The following SRGAP3 variants were observed in gnomAD, a reference collection of about 807,000 sequenced individuals.
SRGAP3 encodes the protein SLIT-ROBO Rho GTPase-activating protein 3.
In SRGAP3, 39 loss-of-function variants were observed where a neutral mutation model predicts 121.1. The observed-to-expected ratio is 0.32, with a 90% CI of 0.25 to 0.42. SRGAP3 has a LOEUF of 0.42. Among genes scored for constraint, SRGAP3 ranks in the 10% least tolerant of loss-of-function variants. The probability of loss-of-function intolerance (pLI) is 1.00; values close to 1 mark genes in which losing one functional copy is unlikely to be tolerated. For missense variants in SRGAP3, 1,213 were observed against 1,470.6 expected (o/e 0.82, Z 2.86); for synonymous variants, 601 against 570.0 (o/e 1.05, Z -0.77).
chr3:9,348,806 C>T (rs1225010556), intron 1 of SRGAP3: 6 of 1,372,250 alleles, frequency 4.4e-6, no homozygotes, highest in South Asian at 2.3e-5. Context: ...TGATGTCCCA[C>T]CACCTCTAAT....
chr3:9,314,421 G>C (rs1327448969), intron 3 of SRGAP3, among the ~76,000 whole-genome samples: 1 of 152,050 alleles, frequency 6.6e-6, no homozygotes, highest in African/African-American at 2.4e-5. Flanking sequence ...ACAGAAGGGA[G>C]ACAGGAGGAA....
rs76990936 is a variant in SRGAP3 at position 9,321,445 on chromosome 3, A to C, written n.442+4565T>G. Among the ~76,000 whole-genome samples the C allele has an allele frequency of 4.6e-3, 696 of 152,090 alleles. 8 individuals are homozygous for C. Among genetic ancestry groups the C allele is most frequent in the Admixed American group, 6.4e-3 (98 of 15,306 alleles). On this transcript the variant is annotated intron_variant and non_coding_transcript_variant, in intron 3 of 3. Transcript: ENST00000490889. ...AAAACAGTGAATGGTAATTAGCTCA[A>C]GTGCTAACTCTGACCAACCGATAGT...
intron 1 of SRGAP3, among the ~76,000 whole-genome samples, chr3:9,247,584 C>A (rs767810971): frequency 2.6e-5 from 4 of 152,186 alleles, no homozygotes; most frequent in African/African-American, 9.7e-5. Flanking sequence ...TTTAAGGAGG[C>A]CACCCAGCTC....
chr3:9,053,374 G>T, intron 8 of SRGAP3, 150 bp from the exon 9 acceptor site: 1 of 882,386 alleles, frequency 1.1e-6, no homozygotes, highest in Non-Finnish European at 1.8e-6. Flanking sequence ...CTGTATTAAT[G>T]TGGAAAACAC....
chr3:9,265,885 G>T (rs1954351833), intron 3 of SRGAP3, among the ~76,000 whole-genome samples: 1 of 152,028 alleles, frequency 6.6e-6, no homozygotes, highest in African/African-American at 2.4e-5. Context: ...TATACCCAAA[G>T]GATTATAAAT....
chr3:9,164,155 G>A lies in SRGAP3; in HGVS notation c.68-39238C>T, dbSNP rs112394710. Among the ~76,000 whole-genome samples the A allele has an allele frequency of 9.9e-4, 150 of 151,360 alleles. 2 individuals carry two copies. The highest frequency in any genetic ancestry group is 2.1e-3 in the African/African-American group (86 of 41,312). On this transcript the variant is annotated intron_variant, in intron 1 of 21. Transcript: ENST00000383836. ...TGGGATTACAGGCATGTGCAACCAC[G>A]CCTGGCTAATTCTGTATTTTCAGTA...
Position 9,218,052 on chromosome 3 carries a change from T to C in SRGAP3, c.67+30833A>G, listed in dbSNP as rs1174702035. The C allele has an allele frequency of 6.6e-6, 1 of 151,316 alleles. No individual in the cohort carries two copies. Among genetic ancestry groups the C allele is most frequent in the Non-Finnish European group, 1.5e-5 (1 of 67,960 alleles). The allele number at this position is 151,316 out of a possible 1,614,324, so 9.4% of individuals were successfully genotyped here. A position where few individuals can be genotyped will look rare whatever the true frequency, so the allele number is the denominator to read the frequency against. On this transcript the variant is annotated intron_variant, in intron 1 of 21. Transcript: ENST00000383836. This position sits in a 1 kb window ranked among gnomAD's most constrained non-coding sequence, Gnocchi z 5.3. ...TCAAGGGATGTATTATTAGTCCTGC[T>C]AGCCTCCGAACCATTGAGAGTACTT...
chr3:9,202,036 G>C (rs111499530), intron 1 of SRGAP3, among the ~76,000 whole-genome samples: 1 of 151,890 alleles, frequency 6.6e-6, no homozygotes, highest in African/African-American at 2.4e-5. Flanking sequence ...GTGCCACAGT[G>C]AAGCCGGTTT....
chr3:9,195,610 A>G (rs1445008391), intron 1 of SRGAP3, among the ~76,000 whole-genome samples: 1 of 152,084 alleles, frequency 6.6e-6, no homozygotes, highest in Non-Finnish European at 1.5e-5. Flanking sequence ...CCAGAAAGGC[A>G]CACCAATAAA....
intron 1 of SRGAP3, among the ~76,000 whole-genome samples, chr3:9,340,804 T>A (rs1955774694): frequency 6.6e-6 from 1 of 151,766 alleles, no homozygotes; most frequent in Admixed American, 6.6e-5. Flanking sequence ...GGACTGGGAG[T>A]TGCTCTAAGA....
chr3:9,108,522 G>A (rs181167083), intron 2 of SRGAP3, among the ~76,000 whole-genome samples: 2 of 152,300 alleles, frequency 1.3e-5, no homozygotes, highest in East Asian at 3.9e-4. Flanking sequence ...GGAGACTGAG[G>A]TGGGAGGATC....
At chr3:9,349,616 A>G (rs2728937) in intron 1 of SRGAP3, 128,924 of 155,102 alleles carry the variant, frequency 0.83, 54,338 homozygotes, top group East Asian at 1. Context: ...CTATGGTGAT[A>G]TGACAACTGT....
chr3:9,247,931 G>T (rs1257884370), intron 1 of SRGAP3, among the ~76,000 whole-genome samples: 3 of 152,250 alleles, frequency 2.0e-5, no homozygotes, highest in African/African-American at 7.2e-5. Context: ...AACGTGTAGG[G>T]GTGGGAGAAG....
intron 1 of SRGAP3, among the ~76,000 whole-genome samples, chr3:9,183,850 C>T (rs925086091): frequency 2.6e-5 from 4 of 151,874 alleles, no homozygotes; most frequent in African/African-American, 9.7e-5. Flanking sequence ...TAACCCCCAG[C>T]CCCGGCCCCT....
intron 1 of SRGAP3, among the ~76,000 whole-genome samples, chr3:9,222,102 G>A (rs1297787685): frequency 6.6e-6 from 1 of 152,174 alleles, no homozygotes; most frequent in African/African-American, 2.4e-5. Flanking sequence ...GGCCTAGGTT[G>A]ATCCCTTCAG....
At position 9,218,135 on chromosome 3, in the gene SRGAP3, T is replaced by C. The variant is rs1441509133; in HGVS notation, c.67+30750A>G. On this transcript the variant is annotated intron_variant, in intron 1 of 21. Transcript: ENST00000383836. This position sits in a 1 kb window ranked among gnomAD's most constrained non-coding sequence, Gnocchi z 5.3. ...AGATTTTAAGAGACCCGTTAATAATTTGGAAGGTTTATTAGCAGACTGCAG... is the reference window on the plus strand; with the variant it reads ...AGATTTTAAGAGACCCGTTAATAATCTGGAAGGTTTATTAGCAGACTGCAG... 6.6e-6 allele frequency: 1 copy of C among 152,200 alleles called. No individual in the cohort carries two copies. The highest frequency in any genetic ancestry group is 6.5e-5 in the Admixed American group (1 of 15,286). The allele number at this position is 152,200 out of a possible 1,614,324, so 9.4% of individuals were successfully genotyped here.
In SRGAP3 at chr3:9,166,118, C is replaced by T. The variant is rs77601267; in HGVS notation, c.68-41201G>A. 3.4e-3 allele frequency among the ~76,000 whole-genome samples: 518 copies of T among 152,278 alleles called. 5 individuals are homozygous for T. Among genetic ancestry groups the T allele is most frequent in the African/African-American group, 0.012 (500 of 41,576 alleles). On this transcript the variant is annotated intron_variant, in intron 1 of 21. Transcript: ENST00000383836. ...CCTGACACCACCATTCCCATCACAG[C>T]CTTTGCCTGTGAAGAATCTCCATCT... is the stretch of plus-strand genomic sequence containing the variant.
At chr3:9,112,413 C>T (rs1948661330) in intron 2 of SRGAP3, among the ~76,000 whole-genome samples, 1 of 152,250 alleles carries the variant, frequency 6.6e-6, no homozygotes, top group Non-Finnish European at 1.5e-5. Flanking sequence ...ATCATTAATT[C>T]AGCCAATAGT....
chr3:9,109,214 G>A lies in SRGAP3; in HGVS notation c.261-4372C>T, dbSNP rs1326300345. ...AGGGAATTAAATTGTGCAAAATTAT[G>A]GAAGCCACAGCCAGAAGGTGAGTTT... On this transcript the variant is annotated intron_variant, in intron 2 of 21. Coordinates refer to ENST00000383836, the MANE Select transcript of SRGAP3 (RefSeq NM_014850.4). This position sits in a 1 kb window ranked among gnomAD's most constrained non-coding sequence, Gnocchi z 4.4. Among the ~76,000 whole-genome samples, 4 of 152,184 alleles carry A rather than the reference G, an allele frequency of 2.6e-5. No homozygotes were observed. The highest frequency in any genetic ancestry group is 1.5e-5 in the Non-Finnish European group (1 of 68,036).
Sources: gnomAD v4.1 joint callset for allele counts (sites outside exome capture counted in the v4.1 genomes callset) on GRCh38, gnomAD v4.1.1 for gene constraint, Gnocchi (gnomAD v3.1) non-coding constraint, MANE v1.5 for transcripts, NCBI Gene and HGNC (gene_info 2026-07-23, HGNC 2026-07-21) for gene names.